THUMPD2: variants seen among roughly 807,000 people sequenced by gnomAD.
THUMPD2 encodes the protein U6 snRNA (guanine-N(2))-methyltransferase THUMPD2.
A neutral mutation model predicts 49.4 loss-of-function variants in THUMPD2; 56 were observed. That is an observed-to-expected ratio of 1.13 (90% CI 0.91 to 1.41). The LOEUF (loss-of-function observed/expected upper bound fraction) is 1.41, where lower values mean the gene tolerates loss of function less well. THUMPD2 is among the 40% of genes most tolerant of loss of function. The probability of loss-of-function intolerance (pLI) is 0.00; values close to 1 mark genes in which losing one functional copy is unlikely to be tolerated. For synonymous variants in THUMPD2, 237 were observed against 205.2 expected, an observed-to-expected ratio of 1.15 and a Z score of -1.32; for missense variants, 709 against 594.5, an observed-to-expected ratio of 1.19 and a Z score of -2.00.
intron 4 of THUMPD2, 135 bp from the exon 5 acceptor site, chr2:39,766,244 T>C (rs1677500912): frequency 3.8e-6 from 2 of 519,724 alleles, no homozygotes. Flanking sequence ...TCATCATATC[T>C]AGAAAAATGT....
intron 5 of THUMPD2, 27 bp downstream of exon 5, chr2:39,766,030 G>A (rs766112593): frequency 3.2e-6 from 5 of 1,555,510 alleles, no homozygotes; most frequent in Non-Finnish European, 4.3e-6. Flanking sequence ...TGTCTTATGG[G>A]ACAAACCGGA....
At chr2:39,755,165 GAGT>G (rs1227906380) in intron 8 of THUMPD2, 127 bp downstream of exon 8, 1 of 523,128 alleles carries the variant, frequency 1.9e-6, no homozygotes, top group Admixed American at 4.1e-5. Flanking sequence ...GAAGTAAACT[GAGT>G]ATTAGTCCCA....
At chr2:39,771,134 C>T (rs562905590) in intron 2 of THUMPD2, among the ~76,000 whole-genome samples, 1 of 152,060 alleles carries the variant, frequency 6.6e-6, no homozygotes, top group African/African-American at 2.4e-5. Flanking sequence ...TTAAAATTTA[C>T]AAGGTGATGA....
chr2:39,768,507 A>G lies in THUMPD2; in HGVS notation c.673-6T>C. On this transcript the variant is annotated splice_region_variant and splice_polypyrimidine_tract_variant and intron_variant, in intron 3 of 9. Coordinates refer to ENST00000505747, the MANE Select transcript of THUMPD2 (RefSeq NM_025264.5). ...CCAATTACTTTTCCTACCTCCTGGA[A>G]AAGTACCAAGTTAAAGAAAAGAATA... 6.2e-7 allele frequency: 1 copy of G among 1,607,116 alleles called. No homozygotes were observed.
chr2:39,755,824 T>G (rs1322561506), intron 7 of THUMPD2, 65 bp downstream of exon 7: 1 of 1,292,092 alleles, frequency 7.7e-7, no homozygotes. Context: ...AAATAATTGG[T>G]GATTATACTA....
rs563944785 is a variant in THUMPD2 at position 39,771,741 on chromosome 2, A to G, written c.127-101T>C. 13 of 1,217,148 alleles carry G rather than the reference A, an allele frequency of 1.1e-5. No individual in the cohort carries two copies. The East Asian group carries it at 3.1e-4, about 29-fold the overall frequency. The allele number at this position is 1,217,148 out of a possible 1,614,324, so 75.4% of individuals were successfully genotyped here. On this transcript the variant is annotated intron_variant, in intron 1 of 9. Coordinates refer to ENST00000505747, the MANE Select transcript of THUMPD2 (RefSeq NM_025264.5). ...ATCTAAATTAAAAATAAAAATAACC[A>G]TTTCTGAAGTATCTACTATTTGTCA...
intron 9 of THUMPD2, among the ~76,000 whole-genome samples, chr2:39,742,821 T>C (rs1202685205): frequency 1.3e-5 from 2 of 152,156 alleles, no homozygotes; most frequent in African/African-American, 2.4e-5. Flanking sequence ...GGGATCAGTA[T>C]TTTTTAAAAG....
chr2:39,737,564 T>C (rs1673265514), intron 9 of THUMPD2, among the ~76,000 whole-genome samples: 1 of 152,228 alleles, frequency 6.6e-6, no homozygotes, highest in Non-Finnish European at 1.5e-5. Context: ...AACACTTGCC[T>C]GTGTCCCGTG....
At chr2:39,771,703 C>T (rs1031663549) in intron 1 of THUMPD2, 63 bp from the exon 2 acceptor site, 1 of 1,493,646 alleles carries the variant, frequency 6.7e-7, no homozygotes, top group African/African-American at 1.4e-5. Context: ...TATTTTTTCC[C>T]TCAAGATATA....
intron 1 of THUMPD2, among the ~76,000 whole-genome samples, chr2:39,775,908 G>A (rs1031624669): frequency 3.3e-5 from 5 of 151,486 alleles, no homozygotes; most frequent in Admixed American, 6.6e-5. Context: ...TATTACCCTC[G>A]ACTGTGATGC....
In THUMPD2 at chr2:39,769,888, T is replaced by A; in HGVS notation, c.494A>T (p.Lys165Ile). 1 of 1,599,722 alleles carries A rather than the reference T, an allele frequency of 6.3e-7. No homozygotes were observed. The highest frequency in any genetic ancestry group is 8.5e-7 in the Non-Finnish European group (1 of 1,176,370). The change falls in exon 3 of 10, where the codon AAA (lysine) becomes ATA (isoleucine). Residue 165 changes from lysine (K) to isoleucine (I), a missense_variant. Transcript: ENST00000505747. ...IEENRDCQLE[K>I]QIKEETLEQR... ...CTCCAGAGTTTCTTCTTTTATTTGTTTTTCCAGCTGGCAGTCCCTATTCTC... is the reference window on the plus strand; with the variant it reads ...CTCCAGAGTTTCTTCTTTTATTTGTATTTCCAGCTGGCAGTCCCTATTCTC...
intron 1 of THUMPD2, among the ~76,000 whole-genome samples, chr2:39,777,285 A>G (rs748048480): frequency 3.9e-5 from 6 of 152,196 alleles, no homozygotes; most frequent in Non-Finnish European, 8.8e-5. Context: ...CAAATCCACT[A>G]AAGGAATATA....
In THUMPD2 at chr2:39,736,948, T is replaced by G; in HGVS notation, c.1299A>C (p.Thr433=). 6.2e-7 allele frequency: 1 copy of G among 1,614,178 alleles called. No homozygotes were observed. The highest frequency in any genetic ancestry group is 1.1e-5 in the South Asian group (1 of 91,078). The change falls in exon 10 of 10, where the codon ACA becomes ACC. Residue 433 remains threonine (T), a synonymous_variant. Transcript: ENST00000505747. ...AGCACTTTTTAATTCCAGGTTCATC[T>G]GTGTGACTGTCCTTGGAATTGAAAG... ...NIPFNSKDSH[T]DEPGIKKCLN...
chr2:39,742,232 A>G (rs1673989508), intron 9 of THUMPD2, among the ~76,000 whole-genome samples: 1 of 152,250 alleles, frequency 6.6e-6, no homozygotes, highest in African/African-American at 2.4e-5. Flanking sequence ...AAGGTTGGGG[A>G]CAGGTGGCAA....
rs2148136221 is a variant in THUMPD2, at chr2:39,736,483, T to C, written c.*252A>G. On this transcript the variant is annotated 3_prime_UTR_variant, in exon 10 of 10. Transcript: ENST00000505747. Reference sequence around the variant, plus strand: ...TTGCTCAGAAACTGGGCAGAACTTTTCACATTCTGACAGAAGATAAAACTT... The same window carrying C: ...TTGCTCAGAAACTGGGCAGAACTTTCCACATTCTGACAGAAGATAAAACTT... 2.9e-6 allele frequency: 1 copy of C among 345,898 alleles called. No homozygotes were observed. The allele number at this position is 345,898 out of a possible 1,614,324, so 21.4% of individuals were successfully genotyped here.
rs1391354311 is a variant in THUMPD2, at chr2:39,755,923, C to CCAAGTCCA, written c.921_928dup (p.Gly310ValfsTer20). ...TTTAGCAGCTTCCAAAAGTATTGTT[C>CCAAGTCCA]CAAGTCCACACATTGGATCTAAAAC... On this transcript the variant is annotated frameshift_variant, in exon 7 of 10. Coordinates refer to ENST00000505747, the MANE Select transcript of THUMPD2 (RefSeq NM_025264.5). LOFTEE classifies it high-confidence loss of function. 5.0e-6 allele frequency: 8 copies of CCAAGTCCA among 1,613,678 alleles called. No homozygotes were observed. The Admixed American group carries it at 1.0e-4, about 20-fold the overall frequency.
At chr2:39,760,520 G>A (rs1320857229) in intron 6 of THUMPD2, among the ~76,000 whole-genome samples, 1 of 152,052 alleles carries the variant, frequency 6.6e-6, no homozygotes, top group Non-Finnish European at 1.5e-5. Flanking sequence ...GTTATGAACA[G>A]AATAAAAACA....
Position 39,779,065 on chromosome 2 carries a change from C to G in THUMPD2, c.126+49G>C, listed in dbSNP as rs767174612. On this transcript the variant is annotated intron_variant, in intron 1 of 9. Coordinates refer to ENST00000505747, the MANE Select transcript of THUMPD2 (RefSeq NM_025264.5). ...TCCACGACTGGGGTGGGCAACAGGG[C>G]AGGGACAGGGCCGCCCACCTCCCCA... is the stretch of plus-strand genomic sequence containing the variant. The G allele has an allele frequency of 1.9e-5, 27 of 1,456,194 alleles. 1 individual carries two copies. In the South Asian group the frequency reaches 3.6e-4, roughly 20 times the overall value. 90.2% of individuals were successfully genotyped at this position (1,456,194 alleles called of 1,614,324 possible).
intron 8 of THUMPD2, among the ~76,000 whole-genome samples, chr2:39,754,356 T>G (rs1675821189): frequency 6.6e-6 from 1 of 152,200 alleles, no homozygotes; most frequent in Admixed American, 6.5e-5. Context: ...CTATGAGATC[T>G]CAATCAACAA....
Sources: gnomAD v4.1 joint callset for allele counts (sites outside exome capture counted in the v4.1 genomes callset) on GRCh38, gnomAD v4.1.1 for gene constraint, MANE v1.5 for transcripts, NCBI Gene and HGNC (gene_info 2026-07-23, HGNC 2026-07-21) for gene names.